PTPRA: variants seen among roughly 807,000 people sequenced by gnomAD.
The protein encoded by PTPRA is receptor-type tyrosine-protein phosphatase alpha.
In PTPRA, 25 loss-of-function variants were observed where a neutral mutation model predicts 104.8. The observed-to-expected ratio is 0.24, with a 90% CI of 0.17 to 0.33. The LOEUF (loss-of-function observed/expected upper bound fraction) is 0.33. PTPRA is among the 10% of genes least tolerant of loss of function. The pLI, the probability that PTPRA is intolerant of heterozygous loss-of-function variation, is 1.00. For synonymous variants in PTPRA, 323 were observed against 368.9 expected (o/e 0.88, Z 1.43); for missense variants, 765 against 1,015.3 (o/e 0.75, Z 3.35).
chr20:3,019,666 C>T (rs770754208), intron 13 of PTPRA, among the ~76,000 whole-genome samples: 61 of 151,994 alleles, frequency 4.0e-4, no homozygotes, highest in Non-Finnish European at 6.3e-4. Flanking sequence ...ACTTCCCAGA[C>T]GGGGTGGCGG....
chr20:2,887,915 C>T lies in PTPRA; in HGVS notation c.-129+14155C>T, dbSNP rs187262981. On this transcript the variant is annotated intron_variant, in intron 1 of 23. Coordinates refer to ENST00000399903, the MANE Select transcript of PTPRA (RefSeq NM_001385305.1). ...GTCCCTGACTCAGTGCCTCTGCTCA[C>T]GCTGTCTGTGAGATCACTGCCTTCC... 2.8e-3 allele frequency among the ~76,000 whole-genome samples: 422 copies of T among 152,312 alleles called. 2 individuals carry two copies. The highest frequency in any genetic ancestry group is 9.7e-3 in the African/African-American group (402 of 41,572).
chr20:2,939,305 G>T (rs754708536), intron 2 of PTPRA, among the ~76,000 whole-genome samples: 20 of 152,142 alleles, frequency 1.3e-4, no homozygotes, highest in Non-Finnish European at 2.6e-4. Flanking sequence ...CAATTCTGTA[G>T]TTTTGCTGGG....
chr20:2,982,698 ATTTTT>A (rs397962787), intron 6 of PTPRA, among the ~76,000 whole-genome samples: 3 of 147,832 alleles, frequency 2.0e-5, no homozygotes, highest in African/African-American at 7.4e-5. Context: ...AATAACAGCA[ATTTTT>A]TTTTTTTTTT....
intron 5 of PTPRA, among the ~76,000 whole-genome samples, chr20:2,970,805 C>CGTGTGT (rs10616041): frequency 6.7e-6 from 1 of 149,614 alleles, no homozygotes; most frequent in Non-Finnish European, 1.5e-5. Context: ...TCTATGGTTT[C>CGTGTGT]GTGTGTGTGT....
intron 1 of PTPRA, among the ~76,000 whole-genome samples, chr20:2,901,145 A>G (rs959320305): frequency 3.3e-5 from 5 of 151,706 alleles, no homozygotes; most frequent in African/African-American, 1.2e-4. Flanking sequence ...TAATTTTTGT[A>G]TTTTTGGTAG....
chr20:2,965,733 A>C (rs1200415812), intron 5 of PTPRA, among the ~76,000 whole-genome samples: 1 of 152,226 alleles, frequency 6.6e-6, no homozygotes, highest in African/African-American at 2.4e-5. Context: ...GTGGCAGGCC[A>C]GTGGCCAGGG....
intron 6 of PTPRA, among the ~76,000 whole-genome samples, chr20:2,977,048 C>T (rs563350970): frequency 1.1e-4 from 16 of 152,102 alleles, no homozygotes; most frequent in South Asian, 2.1e-4. Context: ...GAGGCCAAGG[C>T]GGGTGGATCA....
intron 1 of PTPRA, among the ~76,000 whole-genome samples, chr20:2,881,839 A>G (rs1289037517): frequency 1.3e-5 from 2 of 152,124 alleles, no homozygotes; most frequent in South Asian, 2.1e-4. Flanking sequence ...TGTCTCTACT[A>G]AAAACACAGA....
At position 2,988,408 on chromosome 20, in the gene PTPRA, C is replaced by T. The variant is rs140696987; in HGVS notation, c.672C>T (p.Asp224=). ...GGAAATACCCACCCCTGCCCGTGGA[C>T]AAGCTGGAAGAGGAAATTAACCGGA... ...TNRKYPPLPV[D]KLEEEINRRM... Residue 224 remains aspartate (D), a synonymous_variant, in exon 9 of 24, where the codon GAC becomes GAT. Transcript: ENST00000399903. The T allele has an allele frequency of 1.1e-4, 184 of 1,612,958 alleles. 1 individual carries two copies. The Middle Eastern group carries it at 1.5e-3, about 13-fold the overall frequency.
chr20:2,909,789 T>C (rs1292749325), intron 1 of PTPRA, among the ~76,000 whole-genome samples: 16 of 132,908 alleles, frequency 1.2e-4, no homozygotes, highest in Non-Finnish European at 2.5e-4. Context: ...TAATATAATA[T>C]ATATTAGATA....
intron 9 of PTPRA, among the ~76,000 whole-genome samples, chr20:2,999,398 C>T (rs1287567126): frequency 1.3e-5 from 2 of 152,020 alleles, no homozygotes; most frequent in Non-Finnish European, 2.9e-5. Flanking sequence ...CAAGAATAGC[C>T]AAGACATTCC....
the PTPRA span, chr20:2,866,852 A>G: frequency 2.4e-5 from 10 of 418,622 alleles, no homozygotes; most frequent in African/African-American, 1.6e-4. Flanking sequence ...GGGCTTCTCC[A>G]GCCATACTCG....
At chr20:2,975,106 A>G (rs778690456) in intron 5 of PTPRA, 109 bp from the exon 6 acceptor site, 1 of 983,656 alleles carries the variant, frequency 1.0e-6, no homozygotes, top group Non-Finnish European at 1.5e-6. Flanking sequence ...AGGATGCCTC[A>G]TGGAGGAAAG....
At chr20:2,982,766 G>A (rs1379108462) in intron 6 of PTPRA, among the ~76,000 whole-genome samples, 2 of 151,102 alleles carry the variant, frequency 1.3e-5, no homozygotes, top group South Asian at 2.1e-4. Context: ...GCGCAATCTC[G>A]GCTCACTACA....
At chr20:3,031,952 AAC>A (rs2065478727) in intron 20 of PTPRA, among the ~76,000 whole-genome samples, 1 of 152,184 alleles carries the variant, frequency 6.6e-6, no homozygotes, top group African/African-American at 2.4e-5. Flanking sequence ...AAAAACACAA[AAC>A]AGTGCCAAAT....
chr20:3,005,242 G>A, intron 10 of PTPRA, 96 bp downstream of exon 10: 1 of 1,233,332 alleles, frequency 8.1e-7, no homozygotes, highest in Non-Finnish European at 1.2e-6. Context: ...GGGCACAGCA[G>A]GGTGAATAAC....
chr20:3,009,515 TAGG>T (rs1027064041), intron 11 of PTPRA, among the ~76,000 whole-genome samples: 2 of 152,116 alleles, frequency 1.3e-5, no homozygotes, highest in African/African-American at 4.8e-5. Context: ...GTCCAAAAAA[TAGG>T]CTATTAGATG....
At chr20:2,908,955 T>C (rs1434986092) in intron 1 of PTPRA, among the ~76,000 whole-genome samples, 1 of 152,116 alleles carries the variant, frequency 6.6e-6, no homozygotes, top group Admixed American at 6.5e-5. Context: ...TGCTGTTGAG[T>C]TATAACTTTG....
At chr20:2,898,284 G>C (rs1372701860) in intron 1 of PTPRA, among the ~76,000 whole-genome samples, 1 of 151,694 alleles carries the variant, frequency 6.6e-6, no homozygotes, top group Non-Finnish European at 1.5e-5. Context: ...GTTTCACTGT[G>C]TTAGCCAGGA....
Sources: allele counts gnomAD v4.1 joint callset (sites outside exome capture counted in the v4.1 genomes callset), GRCh38; gene constraint gnomAD v4.1.1; transcripts MANE v1.5; gene names NCBI Gene and HGNC (gene_info 2026-07-23, HGNC 2026-07-21).